Variants in CSMD1 observed in about 807,000 individuals in gnomAD.
The protein encoded by CSMD1 is CUB and sushi domain-containing protein 1.
A neutral mutation model predicts 417.5 loss-of-function variants in CSMD1; 213 were observed. That is an observed-to-expected ratio of 0.51 (90% CI 0.46 to 0.57). The LOEUF is 0.57. Among genes scored for constraint, CSMD1 ranks in the 20% least tolerant of loss-of-function variants. The probability of loss-of-function intolerance (pLI) is 0.00; values close to 1 mark genes in which losing one functional copy is unlikely to be tolerated. For missense variants in CSMD1, 6,923 were observed against 4,529.7 expected, an observed-to-expected ratio of 1.53 and a Z score of -15.17; for synonymous variants, 2,862 against 1,736.8, an observed-to-expected ratio of 1.65 and a Z score of -16.11.
At chr8:3,319,073 AAAAC>A (rs1805974473) in intron 23 of CSMD1, among the ~76,000 whole-genome samples, 1 of 152,226 alleles carries the variant, frequency 6.6e-6, no homozygotes, top group Non-Finnish European at 1.5e-5. Flanking sequence ...AACATACTGC[AAAAC>A]AAACTGGGGA....
intron 1 of CSMD1, among the ~76,000 whole-genome samples, chr8:4,933,217 T>G (rs5001122): frequency 6.6e-6 from 1 of 151,830 alleles, no homozygotes; most frequent in Non-Finnish European, 1.5e-5. Context: ...GTCTTCTGAA[T>G]CATGTTTTCC....
chr8:4,600,202 A>T (rs1015334800), intron 2 of CSMD1, among the ~76,000 whole-genome samples: 7 of 137,188 alleles, frequency 5.1e-5, no homozygotes, highest in Admixed American at 4.7e-4. Flanking sequence ...ATACATTTCC[A>T]TATCTGGCCA....
At chr8:3,437,003 C>A (rs1268740858) in intron 12 of CSMD1, among the ~76,000 whole-genome samples, 2 of 152,172 alleles carry the variant, frequency 1.3e-5, no homozygotes, top group African/African-American at 4.8e-5. Flanking sequence ...AACAAGACAG[C>A]TTGAAAACCT....
chr8:4,772,159 G>C lies in CSMD1; in HGVS notation c.86-134601C>G, dbSNP rs148460869. On this transcript the variant is annotated intron_variant, in intron 1 of 69. Transcript: ENST00000635120. Reference sequence around the variant, plus strand: ...CAGAAGTCAGTTCCTTGTGGTGGTAGGGATGAAGTCCTGTTTTCTTGCTGG... The same window carrying C: ...CAGAAGTCAGTTCCTTGTGGTGGTACGGATGAAGTCCTGTTTTCTTGCTGG... Among the ~76,000 whole-genome samples the C allele has an allele frequency of 1.5e-3, 223 of 152,220 alleles. 1 individual carries two copies. Among genetic ancestry groups the C allele is most frequent in the African/African-American group, 5.1e-3 (213 of 41,536 alleles).
chr8:4,198,691 A>G lies in CSMD1; in HGVS notation c.416-166592T>C, dbSNP rs556770464. 8.1e-4 allele frequency among the ~76,000 whole-genome samples: 123 copies of G among 152,246 alleles called. 1 individual carries two copies. The highest frequency in any genetic ancestry group is 5.0e-4 in the Non-Finnish European group (34 of 68,014). On this transcript the variant is annotated intron_variant, in intron 3 of 69. Coordinates refer to ENST00000635120, the MANE Select transcript of CSMD1 (RefSeq NM_033225.6). Reference sequence around the variant, plus strand: ...AGATGGGGCTGGTAAAACCCCAAGGACTACATGGATACTAAGTGTATTTTA... The same window carrying G: ...AGATGGGGCTGGTAAAACCCCAAGGGCTACATGGATACTAAGTGTATTTTA...
intron 3 of CSMD1, among the ~76,000 whole-genome samples, chr8:4,389,358 G>C (rs550419708): frequency 1.3e-5 from 2 of 152,120 alleles, no homozygotes; most frequent in African/African-American, 4.8e-5. Flanking sequence ...CTGATATGTG[G>C]AGGGAGTACT....
intron 3 of CSMD1, among the ~76,000 whole-genome samples, chr8:4,250,800 A>G (rs776637231): frequency 7.9e-5 from 12 of 152,198 alleles, no homozygotes; most frequent in Non-Finnish European, 1.5e-4. Context: ...TTCTCTGTTG[A>G]AAGGCTTAAT....
At chr8:3,886,252 T>G (rs567507618) in intron 5 of CSMD1, among the ~76,000 whole-genome samples, 1 of 152,124 alleles carries the variant, frequency 6.6e-6, no homozygotes, top group Admixed American at 6.5e-5. Flanking sequence ...TTTCACCATG[T>G]TGGCCTGGCT....
At chr8:4,863,008 A>G (rs1802226842) in intron 1 of CSMD1, among the ~76,000 whole-genome samples, 2 of 152,092 alleles carry the variant, frequency 1.3e-5, no homozygotes, top group South Asian at 2.1e-4. Flanking sequence ...CCGTAGATCA[A>G]GGGGAACACA....
intron 5 of CSMD1, among the ~76,000 whole-genome samples, chr8:3,809,827 C>A (rs1032220528): frequency 1.3e-5 from 2 of 152,104 alleles, no homozygotes; most frequent in African/African-American, 4.8e-5. Context: ...ATACTGAAAA[C>A]GCAAGAATGC....
chr8:3,835,462 G>A (rs557329353), intron 5 of CSMD1, among the ~76,000 whole-genome samples: 6 of 151,944 alleles, frequency 3.9e-5, no homozygotes, highest in South Asian at 4.2e-4. Flanking sequence ...GCAAACTACC[G>A]CCAGGACAAA....
intron 10 of CSMD1, among the ~76,000 whole-genome samples, chr8:3,550,628 C>G (rs11992392): frequency 0.05 from 7,586 of 152,202 alleles, 367 homozygotes; most frequent in African/African-American, 0.12. Flanking sequence ...CACCCCTTTG[C>G]CTAGTGCTGT....
intron 3 of CSMD1, among the ~76,000 whole-genome samples, chr8:4,344,224 T>A (rs1220993948): frequency 6.6e-6 from 1 of 152,122 alleles, no homozygotes; most frequent in Non-Finnish European, 1.5e-5. Context: ...TCCTCTGTTT[T>A]CCCAAAGGTG....
At chr8:4,186,133 G>C (rs763384047) in intron 3 of CSMD1, among the ~76,000 whole-genome samples, 12 of 152,228 alleles carry the variant, frequency 7.9e-5, no homozygotes, top group East Asian at 1.9e-4. Flanking sequence ...CCAACGATTT[G>C]GCATCCAGAG....
chr8:3,070,676 G>C (rs190867423), intron 49 of CSMD1, among the ~76,000 whole-genome samples: 2 of 152,240 alleles, frequency 1.3e-5, no homozygotes, highest in East Asian at 3.9e-4. Flanking sequence ...TAGCATTTTT[G>C]TCACAACTAT....
chr8:4,919,262 G>T (rs1258440126), intron 1 of CSMD1, among the ~76,000 whole-genome samples: 5 of 152,094 alleles, frequency 3.3e-5, no homozygotes, highest in Admixed American at 1.3e-4. Flanking sequence ...TGCCCAAAGG[G>T]AAAAAGAAGA....
intron 1 of CSMD1, among the ~76,000 whole-genome samples, chr8:4,649,297 T>C (rs1803733699): frequency 6.6e-6 from 1 of 152,228 alleles, no homozygotes; most frequent in African/African-American, 2.4e-5. Context: ...TGATAAAAGA[T>C]ATTATTACTA....
chr8:4,965,433 T>G (rs572158335), intron 1 of CSMD1, among the ~76,000 whole-genome samples: 191 of 152,316 alleles, frequency 1.3e-3, no homozygotes, highest in African/African-American at 4.5e-3. Context: ...ATTTTATAGA[T>G]AGATGAGTTG....
chr8:3,311,088 A>T (rs1459347227), intron 23 of CSMD1, among the ~76,000 whole-genome samples: 2 of 133,842 alleles, frequency 1.5e-5, no homozygotes, highest in African/African-American at 2.5e-5. Flanking sequence ...AATTAATGTA[A>T]TATACCTAAC....
Sources: gnomAD v4.1 joint callset for allele counts (sites outside exome capture counted in the v4.1 genomes callset) on GRCh38, gnomAD v4.1.1 for gene constraint, MANE v1.5 for transcripts, NCBI Gene and HGNC (gene_info 2026-07-23, HGNC 2026-07-21) for gene names.